Variants in RAB40A observed in about 807,000 individuals in gnomAD.
RAB40A encodes RAB40A, member RAS oncogene family.
For missense variants in RAB40A, 145 were observed against 230.2 expected, an observed-to-expected ratio of 0.63 and a Z score of 2.40; for synonymous variants, 65 against 99.9, an observed-to-expected ratio of 0.65 and a Z score of 2.08.
chrX:103,494,011 A>G, the RAB40A span, among the ~76,000 whole-genome samples: 1 of 112,293 alleles, frequency 8.9e-6, no homozygotes, highest in African/African-American at 3.2e-5. Flanking sequence ...AACCTTCAAA[A>G]TGTTCTACAT....
chrX:103,505,904 T>G (rs1274380946), intron 2 of RAB40A, among the ~76,000 whole-genome samples: 1 of 112,040 alleles, frequency 8.9e-6, no homozygotes. Flanking sequence ...AGACTGACAA[T>G]CTACCTGAAA....
At chrX:103,510,081 G>A (rs2073281198) in intron 2 of RAB40A, among the ~76,000 whole-genome samples, 1 of 112,205 alleles carries the variant, frequency 8.9e-6, no homozygotes, top group Non-Finnish European at 1.9e-5. Flanking sequence ...TGGGATTATA[G>A]GCATGAGCCA....
At chrX:103,498,674 C>T (rs1307177624), downstream of RAB40A, among the ~76,000 whole-genome samples, 3 of 111,926 alleles carry the variant, frequency 2.7e-5, no homozygotes, top group Non-Finnish European at 5.6e-5. Context: ...AAAGTACCAG[C>T]GTTCAGGAAG....
rs987508914 is a variant in RAB40A at position 103,499,342 on chromosome X, T to C, written c.*581A>G. The stretch of plus-strand genomic sequence containing the variant: ...AAAAACATACATATAAATCACGTAT[T>C]AATCCCCAAATGTAGTAAATAACAT... On this transcript the variant is annotated 3_prime_UTR_variant, in exon 3 of 3. Coordinates refer to ENST00000304236, the MANE Select transcript of RAB40A (RefSeq NM_080879.3). 8.9e-5 allele frequency: 11 copies of C among 123,602 alleles called. No individual in the cohort carries two copies. Among genetic ancestry groups the C allele is most frequent in the African/African-American group, 3.6e-4 (11 of 30,899 alleles). 10.2% of individuals were successfully genotyped at this position (123,602 alleles called of 1,213,427 possible). A position where few individuals can be genotyped will look rare whatever the true frequency, so the allele number is the denominator to read the frequency against.
intron 2 of RAB40A, among the ~76,000 whole-genome samples, chrX:103,512,783 T>C (rs2073297466): frequency 8.9e-6 from 1 of 111,923 alleles, no homozygotes; most frequent in Non-Finnish European, 1.9e-5. Flanking sequence ...ATTTGCATAA[T>C]ATAACTTCTG....
the RAB40A span, among the ~76,000 whole-genome samples, chrX:103,493,661 A>C: frequency 8.9e-6 from 1 of 111,863 alleles, no homozygotes; most frequent in African/African-American, 3.3e-5. Context: ...TTTATCTCCC[A>C]CAAATAAGTG....
rs768699220 is a variant in RAB40A, at chrX:103,516,833, TG to T, written c.-71+540del. On this transcript the variant is annotated intron_variant, in intron 2 of 2. Coordinates refer to ENST00000304236, the MANE Select transcript of RAB40A (RefSeq NM_080879.3). ...CAGTATAGCATCCTGGGTTTTTTGT[TG>T]TTATTTTCAGTTTTGCTTTTGTCTT... 6.2e-5 allele frequency among the ~76,000 whole-genome samples: 7 copies of T among 112,043 alleles called. No homozygotes were observed. The East Asian group carries it at 2.0e-3, about 31-fold the overall frequency.
rs1290842331 is a variant in RAB40A at position 103,500,164 on chromosome X, C to A, written c.593G>T (p.Arg198Leu). The change falls in exon 3 of 3, where the codon CGC becomes CTC. Residue 198 changes from arginine (R) to leucine (L), a missense_variant. Arg to Leu is a moderately radical substitution (Grantham distance 102, BLOSUM62 -2). Transcript: ENST00000304236. ...CACAGGTGTGCAGGACACGATGGTG[C>A]GGCAGCAGAGGTCTTGCAAGCTCAG... ...KVLSLQDLCC[R>L]TIVSCTPVHL... 1 of 1,211,941 alleles carries A rather than the reference C, an allele frequency of 8.3e-7. No homozygotes were observed. Among genetic ancestry groups the A allele is most frequent in the East Asian group, 3.0e-5 (1 of 33,837 alleles).
intron 2 of RAB40A, among the ~76,000 whole-genome samples, chrX:103,510,195 C>T (rs762721314): frequency 8.0e-5 from 9 of 112,020 alleles, no homozygotes; most frequent in South Asian, 3.7e-4. Flanking sequence ...TTCTCAGACT[C>T]GGGAGCATGA....
intron 2 of RAB40A, chrX:103,502,488 C>G (rs747155482): frequency 7.9e-6 from 1 of 126,342 alleles, no homozygotes; most frequent in Non-Finnish European, 1.8e-5. Flanking sequence ...AAGGCCAACA[C>G]CTAAGCTTCT....
chrX:103,512,931 TAA>T (rs2147591869), intron 2 of RAB40A, among the ~76,000 whole-genome samples: 1 of 111,346 alleles, frequency 9.0e-6, no homozygotes, highest in South Asian at 3.8e-4. Context: ...AAAAAAACAA[TAA>T]AAACAAAATA....
intron 2 of RAB40A, chrX:103,501,155 G>A (rs962599566): frequency 1.4e-5 from 2 of 144,392 alleles, no homozygotes; most frequent in African/African-American, 3.1e-5. Context: ...CCTATGCTGT[G>A]TATGACGCTT....
chrX:103,503,228 A>G, intron 2 of RAB40A: 1 of 753,889 alleles, frequency 1.3e-6, no homozygotes, highest in South Asian at 6.7e-5. Context: ...ATGAAACACC[A>G]GGTAGCACTG....
At chrX:103,513,609 T>G (rs2073302351) in intron 2 of RAB40A, among the ~76,000 whole-genome samples, 1 of 111,615 alleles carries the variant, frequency 9.0e-6, no homozygotes, top group Admixed American at 9.6e-5. Context: ...AACCAACTCC[T>G]GGCAATCACT....
chrX:103,507,632 A>C (rs143851190), intron 2 of RAB40A, among the ~76,000 whole-genome samples: 177 of 112,530 alleles, frequency 1.6e-3, no homozygotes, highest in African/African-American at 5.4e-3. Flanking sequence ...GCTGATCAGG[A>C]GATTAAAAAG....
At chrX:103,503,523 A>G (rs979560451) in intron 2 of RAB40A, 2 of 746,333 alleles carry the variant, frequency 2.7e-6, no homozygotes, top group East Asian at 3.1e-4. Flanking sequence ...TATATTTTTC[A>G]AACAGAACTG....
intron 2 of RAB40A, among the ~76,000 whole-genome samples, chrX:103,510,180 A>G (rs2073281631): frequency 2.7e-5 from 3 of 112,083 alleles, no homozygotes; most frequent in Non-Finnish European, 5.6e-5. Context: ...CAGAGATTTC[A>G]CAATTTCTCA....
chrX:103,518,816 A>G (rs1435556481), intron 1 of RAB40A, among the ~76,000 whole-genome samples: 1 of 112,013 alleles, frequency 8.9e-6, no homozygotes, highest in East Asian at 2.8e-4. Flanking sequence ...CTTTCTATAC[A>G]TACTATCCCT....
chrX:103,514,353 C>CT (rs1268525296), intron 2 of RAB40A, among the ~76,000 whole-genome samples: 3 of 111,114 alleles, frequency 2.7e-5, no homozygotes, highest in Non-Finnish European at 3.8e-5. Flanking sequence ...CTTTGAATTT[C>CT]TTTTTTTTGT....
Sources: gnomAD v4.1 joint callset for allele counts (sites outside exome capture counted in the v4.1 genomes callset) on GRCh38, gnomAD v4.1.1 for gene constraint, MANE v1.5 for transcripts, NCBI Gene and HGNC (gene_info 2026-07-23, HGNC 2026-07-21) for gene names.